IGSF22: variants seen among roughly 807,000 people sequenced by gnomAD.
IGSF22 encodes immunoglobulin superfamily, member 22.
IGSF22 carries 119 observed loss-of-function variants against 127.0 expected under a neutral mutation model. The ratio of observed to expected loss-of-function variants is 0.94; its 90% CI spans 0.81 to 1.09. IGSF22 has a LOEUF of 1.09. IGSF22 is among the 50% of genes least tolerant of loss of function. IGSF22 has a pLI of 0.00. For synonymous variants in IGSF22, 568 were observed against 664.7 expected (o/e 0.85, Z 2.24); for missense variants, 1,518 against 1,716.6 (o/e 0.88, Z 2.04).
Position 18,715,712 on chromosome 11 carries a change from G to T in IGSF22, c.1251C>A (p.Ile417=). The T allele has an allele frequency of 6.2e-7, 1 of 1,608,958 alleles. No individual in the cohort carries two copies. Among genetic ancestry groups the T allele is most frequent in the African/African-American group, 1.3e-5 (1 of 74,994 alleles). ...TGAGGTTGCTCACAAACTTGATGGG[G>T]ATGCCTGTGGACAGACAGACACTTG... The part of the protein sequence containing the change: ...VQKAQLTVDR[I]PIKFVSNLKN... The change falls in exon 11 of 23, where the codon ATC becomes ATA. Residue 417 remains isoleucine (I), a synonymous_variant. Coordinates refer to ENST00000513874, the MANE Select transcript of IGSF22 (RefSeq NM_173588.4).
intron 17 of IGSF22, among the ~76,000 whole-genome samples, chr11:18,710,069 C>T (rs1429426769): frequency 1.3e-5 from 2 of 152,114 alleles, no homozygotes; most frequent in African/African-American, 4.8e-5. Flanking sequence ...CTCAGCATGC[C>T]TCTCCTACCT....
rs1332329245 is a variant in IGSF22, at chr11:18,719,850, C to A, written c.562G>T (p.Glu188Ter). ...PKKKQKKVANEKEMLEILSKV... is the reference protein window; with the variant it reads ...PKKKQKKVAN ...GACAAAATCTCCAGCATCTCTTTCT[C>A]ATTTGCCACCTTCTTCTGCTTCTTC... Residue 188 changes from glutamate to a stop codon, truncating the protein, a stop_gained, in exon 7 of 23, where the codon GAG becomes TAG. Coordinates refer to ENST00000513874, the MANE Select transcript of IGSF22 (RefSeq NM_173588.4). LOFTEE classifies it high-confidence loss of function. 1 of 1,614,226 alleles carries A rather than the reference C, an allele frequency of 6.2e-7. No homozygotes were observed. Among genetic ancestry groups the A allele is most frequent in the South Asian group, 1.1e-5 (1 of 91,090 alleles).
chr11:18,721,642 G>C lies in IGSF22; in HGVS notation c.271C>G (p.Gln91Glu). Residue 91 changes from glutamine to glutamate, a missense_variant, in exon 4 of 23, where the codon CAG becomes GAG. By Grantham distance (29) the Gln-to-Glu change is conservative (BLOSUM62 2). This residue lies in a region of IGSF22 where 1,456 missense variants were observed against 1,644.9 expected (regional missense o/e 0.89). Transcript: ENST00000513874. ...GAGATGTGGGGTTTGGCGTTCCCCT[G>C]CACCCGGGCTCGGAACACGGCTTTG... ...GDKAVFRARVQGNAKPHISWK... is the reference protein window; with the variant it reads ...GDKAVFRARVEGNAKPHISWK... 6.2e-7 allele frequency: 1 copy of C among 1,614,268 alleles called. No homozygotes were observed. Among genetic ancestry groups the C allele is most frequent in the Non-Finnish European group, 8.5e-7 (1 of 1,180,044 alleles).
chr11:18,705,807 G>A lies in IGSF22; in HGVS notation c.3910+10C>T, dbSNP rs1439299875. Reference sequence around the variant, plus strand: ...CCCCTCCTCGAGGCCGGACCCCGCGGCGCCCTCACCATAGACGGTGAGCGT... The same window carrying A: ...CCCCTCCTCGAGGCCGGACCCCGCGACGCCCTCACCATAGACGGTGAGCGT... On this transcript the variant is annotated intron_variant, in intron 22 of 22. Coordinates refer to ENST00000513874, the MANE Select transcript of IGSF22 (RefSeq NM_173588.4). 1 of 1,528,236 alleles carries A rather than the reference G, an allele frequency of 6.5e-7. No homozygotes were observed. The highest frequency in any genetic ancestry group is 2.0e-5 in the Admixed American group (1 of 50,482). 94.7% of individuals were successfully genotyped at this position (1,528,236 alleles called of 1,614,324 possible).
At chr11:18,711,812 G>T (rs1341999620) in intron 15 of IGSF22, among the ~76,000 whole-genome samples, 1 of 152,222 alleles carries the variant, frequency 6.6e-6, no homozygotes, top group African/African-American at 2.4e-5. Context: ...GATGACTTCT[G>T]GGATGGAGAA....
Position 18,717,006 on chromosome 11 carries a change from G to C in IGSF22, c.974-6C>G. ...CAGGAACTTCAGTGGCTCATCTGCAGCAAACAGTAGGAGTGGTAGTCATTG... is the reference window on the plus strand; with the variant it reads ...CAGGAACTTCAGTGGCTCATCTGCACCAAACAGTAGGAGTGGTAGTCATTG... On this transcript the variant is annotated splice_region_variant and splice_polypyrimidine_tract_variant and intron_variant, in intron 9 of 22. Transcript: ENST00000513874. 6.2e-7 allele frequency: 1 copy of C among 1,613,902 alleles called. No individual in the cohort carries two copies. Among genetic ancestry groups the C allele is most frequent in the South Asian group, 1.1e-5 (1 of 91,074 alleles).
chr11:18,710,397 T>C lies in IGSF22; in HGVS notation c.2631A>G (p.Ile877Met), dbSNP rs1207414001. Residue 877 changes from isoleucine (I) to methionine (M), a missense_variant, in exon 17 of 23, where the codon ATA becomes ATG. Transcript: ENST00000513874. ...GTCCAGGGCCTGCCTTATTTACAGC[T>C]ATAACTCGGAATTCATATTCTGTGT... ...LEDTEYEFRV[I>M]AVNKAGPGQP... 6.2e-7 allele frequency: 1 copy of C among 1,614,194 alleles called. No individual in the cohort carries two copies.
At position 18,722,886 on chromosome 11, in the gene IGSF22, C is replaced by T. The variant is rs372562332; in HGVS notation, c.110-845G>A. Reference sequence around the variant, plus strand: ...TTAAATACTAACAAGAGGTCTCAAACAGGCAGAGTGCAGTGGACACCTGGC... The same window carrying T: ...TTAAATACTAACAAGAGGTCTCAAATAGGCAGAGTGCAGTGGACACCTGGC... On this transcript the variant is annotated intron_variant, in intron 2 of 22. Transcript: ENST00000513874. Among the ~76,000 whole-genome samples, 58 of 152,338 alleles carry T rather than the reference C, an allele frequency of 3.8e-4. 1 individual carries two copies. In the East Asian group the frequency reaches 9.8e-3, roughly 26 times the overall value.
intron 17 of IGSF22, 74 bp downstream of exon 17, chr11:18,710,252 CG>C: frequency 6.3e-7 from 1 of 1,576,654 alleles, no homozygotes; most frequent in South Asian, 1.1e-5. Flanking sequence ...CATACTTTCC[CG>C]GGGAAGAAAT....
intron 22 of IGSF22, chr11:18,704,850 T>C (rs1848191272): frequency 5.0e-5 from 16 of 321,736 alleles, no homozygotes; most frequent in Middle Eastern, 1.0e-3. Flanking sequence ...CCTGGGCCCA[T>C]TTGCTGTGCT....
At position 18,705,947 on chromosome 11, in the gene IGSF22, C is replaced by T. The variant is rs1848217894; in HGVS notation, c.3780G>A (p.Trp1260Ter). 1 of 1,551,620 alleles carries T rather than the reference C, an allele frequency of 6.4e-7. No homozygotes were observed. Among genetic ancestry groups the T allele is most frequent in the Non-Finnish European group, 8.7e-7 (1 of 1,147,002 alleles). The part of the protein sequence containing the change: ...DVNITANSKF[W>*]YNSTSGVCTL... ...TGCACACGCCGCTGGTGGAGTTGTA[C>T]CAGAACTTGGAGTTGGCCGTGATGT... The change falls in exon 22 of 23, where the codon TGG becomes TGA. Residue 1260 changes from tryptophan to a stop codon, truncating the protein, a stop_gained. Coordinates refer to ENST00000513874, the MANE Select transcript of IGSF22 (RefSeq NM_173588.4). LOFTEE classifies it high-confidence loss of function.
intron 1 of IGSF22, 110 bp from the exon 2 acceptor site, chr11:18,724,379 G>T: frequency 1.7e-6 from 1 of 587,326 alleles, no homozygotes; most frequent in East Asian, 2.7e-5. Context: ...ACAGGAGAGG[G>T]CCAGGAGAGC....
chr11:18,719,886 G>A lies in IGSF22; in HGVS notation c.526C>T (p.Pro176Ser). The change falls in exon 7 of 23, where the codon CCT (proline) becomes TCT (serine). Residue 176 changes from proline (P) to serine (S), a missense_variant. Around this residue, in one of 3 missense-constraint regions of IGSF22, gnomAD observed 1,456 missense variants for 1,644.9 expected, o/e 0.89. Coordinates refer to ENST00000513874, the MANE Select transcript of IGSF22 (RefSeq NM_173588.4). ...FKKMLKKRAP[P>S]APKKKQKKVA... ...TTCTTCTGCTTCTTCTTGGGAGCAG[G>A]GGGTGCCCTAGGAGAAGGAGGAAGG... is the stretch of plus-strand genomic sequence containing the variant. The A allele has an allele frequency of 6.2e-7, 1 of 1,614,052 alleles. No homozygotes were observed. Among genetic ancestry groups the A allele is most frequent in the Non-Finnish European group, 8.5e-7 (1 of 1,179,978 alleles).
chr11:18,712,739 T>C (rs1848381118), intron 14 of IGSF22, among the ~76,000 whole-genome samples: 1 of 152,338 alleles, frequency 6.6e-6, no homozygotes, highest in South Asian at 2.1e-4. Flanking sequence ...TTACAGTCTG[T>C]CTACCAGTTT....
intron 4 of IGSF22, among the ~76,000 whole-genome samples, chr11:18,721,062 G>A (rs905077479): frequency 1.3e-5 from 2 of 152,192 alleles, no homozygotes; most frequent in Admixed American, 6.5e-5. Flanking sequence ...TGATCCAGAA[G>A]CTGGTTAGAC....
At chr11:18,725,467 G>A (rs182156839) in intron 1 of IGSF22, among the ~76,000 whole-genome samples, 1 of 151,910 alleles carries the variant, frequency 6.6e-6, no homozygotes, top group Non-Finnish European at 1.5e-5. Flanking sequence ...TTGAGACAGA[G>A]TCTTGCTCTG....
chr11:18,722,008 A>T lies in IGSF22; in HGVS notation c.143T>A (p.Val48Glu). 1 of 1,614,068 alleles carries T rather than the reference A, an allele frequency of 6.2e-7. No homozygotes were observed. Residue 48 changes from valine (V) to glutamate (E), a missense_variant, in exon 3 of 23, where the codon GTG (valine) becomes GAG (glutamate). By Grantham distance (121) the Val-to-Glu change is moderately radical (BLOSUM62 -2). This residue lies in a region of IGSF22 where 1,456 missense variants were observed against 1,644.9 expected (regional missense o/e 0.89). Coordinates refer to ENST00000513874, the MANE Select transcript of IGSF22 (RefSeq NM_173588.4). ...EVVRRKSSSIVEFFSLVTRSS... is the reference protein window; with the variant it reads ...EVVRRKSSSIEEFFSLVTRSS... ...CCGGGTCACTAAGCTGAAGAACTCC[A>T]CTATGCTCGAGGACTTCCTCCTCAC...
intron 14 of IGSF22, 47 bp downstream of exon 14, chr11:18,713,805 A>G: frequency 6.9e-7 from 1 of 1,452,336 alleles, no homozygotes; most frequent in Non-Finnish European, 9.4e-7. Context: ...GAGTCTGGGC[A>G]GCAGGTGCCC....
At position 18,715,492 on chromosome 11, in the gene IGSF22, C is replaced by T. The variant is rs1340173609; in HGVS notation, c.1471G>A (p.Val491Met). ...GTAGGGTCTCCATCCTGCATGGCCA[C>T]CACAGTGTACTCGCCACCATCACTG... ...QLSDGGEYTVVAMQDGDPTEY... is the reference protein window; with the variant it reads ...QLSDGGEYTVMAMQDGDPTEY... The change falls in exon 11 of 23, where the codon GTG becomes ATG. Residue 491 changes from valine (V) to methionine (M), a missense_variant. Physicochemically the swap from Val to Met is conservative, Grantham distance 21 (BLOSUM62 1). Coordinates refer to ENST00000513874, the MANE Select transcript of IGSF22 (RefSeq NM_173588.4). 6.2e-7 allele frequency: 1 copy of T among 1,613,840 alleles called. No homozygotes were observed. The highest frequency in any genetic ancestry group is 2.2e-5 in the East Asian group (1 of 44,872).
Sources: allele counts gnomAD v4.1 joint callset (sites outside exome capture counted in the v4.1 genomes callset), GRCh38; gene constraint gnomAD v4.1.1; regional missense constraint gnomAD v4.1.1; transcripts MANE v1.5; gene names NCBI Gene and HGNC (gene_info 2026-07-23, HGNC 2026-07-21).